The following RNF144A variants were observed in gnomAD, a reference collection of about 807,000 sequenced individuals.
RNF144A encodes the protein ring finger protein 144A, also known as E3 ubiquitin-protein ligase RNF144A.
A neutral mutation model predicts 38.7 loss-of-function variants in RNF144A; 11 were observed. The ratio of observed to expected loss-of-function variants is 0.28; its 90% CI spans 0.18 to 0.47. The LOEUF (loss-of-function observed/expected upper bound fraction) is 0.47. Among genes scored for constraint, RNF144A ranks in the 20% least tolerant of loss-of-function variants. The pLI is 0.99. For synonymous variants in RNF144A, 149 were observed against 143.9 expected (o/e 1.04, Z -0.25); for missense variants, 316 against 377.2 (o/e 0.84, Z 1.34).
intron 7 of RNF144A, among the ~76,000 whole-genome samples, chr2:7,027,473 G>A (rs13399190): frequency 0.019 from 2,854 of 152,322 alleles, 37 homozygotes; most frequent in East Asian, 0.064. Context: ...GGCCAGAGAG[G>A]TTTATCTTTC....
At position 7,014,767 on chromosome 2, in the gene RNF144A, A is replaced by T; in HGVS notation, c.296A>T (p.Glu99Val). ...IMQRYKKLQFEREVLFDPCRT... is the reference protein window; with the variant it reads ...IMQRYKKLQFVREVLFDPCRT... ...CAAAGATATAAAAAGCTACAATTTG[A>T]AAGAGGTAGGTGCCTGGTATATCTG... The change falls in exon 5 of 9, where the codon GAA (glutamate) becomes GTA (valine). Residue 99 changes from glutamate to valine, a missense_variant. By Grantham distance (121) the Glu-to-Val change is moderately radical. Coordinates refer to ENST00000320892, the MANE Select transcript of RNF144A (RefSeq NM_014746.6). 1 of 1,610,408 alleles carries T rather than the reference A, an allele frequency of 6.2e-7. No individual in the cohort carries two copies. The highest frequency in any genetic ancestry group is 8.5e-7 in the Non-Finnish European group (1 of 1,176,864).
At chr2:6,954,379 A>G (rs1448870728) in intron 2 of RNF144A, among the ~76,000 whole-genome samples, 1 of 152,224 alleles carries the variant, frequency 6.6e-6, no homozygotes, top group African/African-American at 2.4e-5. Flanking sequence ...AGAAAGCCTT[A>G]AATTCTCAGT....
rs544400095 is a variant in RNF144A at position 6,926,103 on chromosome 2, C to G, written c.-212+8481C>G. ...AGCGGCTTGGGATGTTACTGAGAGC[C>G]AGGTTCTCTCTTCTTTCACTTTGCC... On this transcript the variant is annotated intron_variant, in intron 1 of 8. Transcript: ENST00000320892. Among the ~76,000 whole-genome samples, 10 of 152,302 alleles carry G rather than the reference C, an allele frequency of 6.6e-5. No individual in the cohort carries two copies. In the East Asian group the frequency reaches 1.5e-3, roughly 24 times the overall value.
chr2:6,945,577 G>A lies in RNF144A; in HGVS notation c.-12+4430G>A, dbSNP rs147164957. Among the ~76,000 whole-genome samples, 311 of 152,224 alleles carry A rather than the reference G, an allele frequency of 2.0e-3. 3 individuals carry two copies. Among genetic ancestry groups the A allele is most frequent in the African/African-American group, 6.6e-3 (272 of 41,520 alleles). ...ACAGCAAGTGCCTGTTTTCTAGGGC[G>A]GTATAGATTTCTCTAGAAAGATCAA... On this transcript the variant is annotated intron_variant, in intron 2 of 8. Transcript: ENST00000320892.
intron 1 of RNF144A, among the ~76,000 whole-genome samples, chr2:6,926,414 G>A (rs570478600): frequency 6.6e-6 from 1 of 152,286 alleles, no homozygotes; most frequent in South Asian, 2.1e-4. Flanking sequence ...ACATGCGAGA[G>A]AACTGCCCCG....
intron 2 of RNF144A, among the ~76,000 whole-genome samples, chr2:6,994,259 C>G (rs1022114722): frequency 1.6e-4 from 25 of 152,156 alleles, no homozygotes; most frequent in African/African-American, 6.0e-4. Context: ...TGAAACTTTT[C>G]CAGCCCTGAC....
At position 7,014,709 on chromosome 2, in the gene RNF144A, T is replaced by C; in HGVS notation, c.241-3T>C. On this transcript the variant is annotated splice_polypyrimidine_tract_variant and splice_region_variant and intron_variant, in intron 4 of 8. Coordinates refer to ENST00000320892, the MANE Select transcript of RNF144A (RefSeq NM_014746.6). Reference sequence around the variant, plus strand: ...TTCCTGTTTGCATTTTTTTTTCCCTTAGATTGAGTGCATGGTTGCAGCTGA... The same window carrying C: ...TTCCTGTTTGCATTTTTTTTTCCCTCAGATTGAGTGCATGGTTGCAGCTGA... 1 of 1,611,852 alleles carries C rather than the reference T, an allele frequency of 6.2e-7. No individual in the cohort carries two copies. The highest frequency in any genetic ancestry group is 8.5e-7 in the Non-Finnish European group (1 of 1,178,102).
Position 7,040,453 on chromosome 2 carries a change from C to T in RNF144A, c.*693C>T. 5 of 985,374 alleles carry T rather than the reference C, an allele frequency of 5.1e-6. No homozygotes were observed. The highest frequency in any genetic ancestry group is 6.0e-6 in the Non-Finnish European group (5 of 829,906). 61.0% of individuals were successfully genotyped at this position (985,374 alleles called of 1,614,324 possible). A position where few individuals can be genotyped will look rare whatever the true frequency, so the allele number is the denominator to read the frequency against. ...TAAGCTGTGTACTGTTATAAGTGTG[C>T]TTCCTATATTGTTGCATTTCCTTGA... On this transcript the variant is annotated 3_prime_UTR_variant, in exon 9 of 9. Transcript: ENST00000320892.
At chr2:6,926,087 G>A (rs1664848297) in intron 1 of RNF144A, among the ~76,000 whole-genome samples, 1 of 152,162 alleles carries the variant, frequency 6.6e-6, no homozygotes, top group Non-Finnish European at 1.5e-5. Context: ...CAGCGGCTTG[G>A]GATGTTACTG....
chr2:6,981,474 T>C (rs1668630116), intron 2 of RNF144A, among the ~76,000 whole-genome samples: 1 of 152,142 alleles, frequency 6.6e-6, no homozygotes, highest in African/African-American at 2.4e-5. Context: ...TTAAATTATC[T>C]CTCTCAATTT....
intron 2 of RNF144A, among the ~76,000 whole-genome samples, chr2:6,992,372 C>T (rs1005037607): frequency 3.9e-5 from 6 of 152,200 alleles, no homozygotes; most frequent in African/African-American, 7.2e-5. Context: ...GCGCTGCTTG[C>T]GAAGCCTGGT....
intron 2 of RNF144A, among the ~76,000 whole-genome samples, chr2:6,974,153 T>A (rs771254): frequency 0.87 from 131,820 of 152,216 alleles, 58,114 homozygotes; most frequent in Non-Finnish European, 0.92. Flanking sequence ...AGTTACAGAC[T>A]TACCTGCTCT....
chr2:7,010,430 C>T (rs566132749), intron 3 of RNF144A, among the ~76,000 whole-genome samples: 16 of 152,270 alleles, frequency 1.1e-4, no homozygotes, highest in Admixed American at 9.8e-4. Context: ...CAGATAAGCA[C>T]CTTTGAGCAC....
intron 7 of RNF144A, among the ~76,000 whole-genome samples, chr2:7,026,352 A>G (rs1022282926): frequency 6.6e-6 from 1 of 152,202 alleles, no homozygotes; most frequent in Non-Finnish European, 1.5e-5. Context: ...TTTACTTCCT[A>G]GGCAAGTTTA....
chr2:6,961,307 G>A (rs1366468816), intron 2 of RNF144A, among the ~76,000 whole-genome samples: 1 of 152,030 alleles, frequency 6.6e-6, no homozygotes, highest in Non-Finnish European at 1.5e-5. Flanking sequence ...ATGATTATGT[G>A]CTACGACAAT....
intron 6 of RNF144A, among the ~76,000 whole-genome samples, chr2:7,054,546 T>TG (rs1278671067): frequency 6.6e-6 from 1 of 152,200 alleles, no homozygotes; most frequent in African/African-American, 2.4e-5. Flanking sequence ...CCCTCATAGG[T>TG]GCTAGTACCT....
intron 5 of RNF144A, among the ~76,000 whole-genome samples, chr2:7,019,561 G>A (rs576980176): frequency 5.9e-5 from 9 of 152,314 alleles, no homozygotes; most frequent in African/African-American, 1.9e-4. Context: ...CTACCAGAAC[G>A]CCTTTGGAAA....
Position 7,040,291 on chromosome 2 carries a change from A to G in RNF144A, c.*531A>G, listed in dbSNP as rs1278477147. ...TGAGTAGTGAAAATCAACAAGGTGCATATAAACCATCCTATGCCTTTCTTG... is the reference window on the plus strand; with the variant it reads ...TGAGTAGTGAAAATCAACAAGGTGCGTATAAACCATCCTATGCCTTTCTTG... On this transcript the variant is annotated 3_prime_UTR_variant, in exon 9 of 9. Coordinates refer to ENST00000320892, the MANE Select transcript of RNF144A (RefSeq NM_014746.6). 3 of 985,694 alleles carry G rather than the reference A, an allele frequency of 3.0e-6. No individual in the cohort carries two copies. The highest frequency in any genetic ancestry group is 4.7e-5 in the South Asian group (1 of 21,306). 61.1% of individuals were successfully genotyped at this position (985,694 alleles called of 1,614,324 possible).
chr2:6,918,923 C>T (rs570803593), intron 1 of RNF144A, among the ~76,000 whole-genome samples: 1 of 152,232 alleles, frequency 6.6e-6, no homozygotes, highest in South Asian at 2.1e-4. Context: ...CTAGCTCCTG[C>T]ACTAAGAGCC....
Sources: gnomAD v4.1 joint callset for allele counts (sites outside exome capture counted in the v4.1 genomes callset) on GRCh38, gnomAD v4.1.1 for gene constraint, MANE v1.5 for transcripts, NCBI Gene and HGNC (gene_info 2026-07-23, HGNC 2026-07-21) for gene names.